METTL25: variants seen among roughly 807,000 people sequenced by gnomAD.
The protein encoded by METTL25 is probable methyltransferase-like protein 25.
A neutral mutation model predicts 71.6 loss-of-function variants in METTL25; 64 were observed. The observed-to-expected ratio is 0.89, with a 90% CI of 0.73 to 1.10. The LOEUF (loss-of-function observed/expected upper bound fraction) is 1.10, where lower values mean the gene tolerates loss of function less well. METTL25 is among the 50% of genes least tolerant of loss of function. The pLI, the probability that METTL25 is intolerant of heterozygous loss-of-function variation, is 0.00. For synonymous variants in METTL25, 287 were observed against 250.3 expected (o/e 1.15, Z -1.38); for missense variants, 807 against 707.0 (o/e 1.14, Z -1.60).
chr12:82,386,518 C>G (rs1438603686), intron 1 of METTL25, among the ~76,000 whole-genome samples: 1 of 142,818 alleles, frequency 7.0e-6, no homozygotes, highest in African/African-American at 2.6e-5. Flanking sequence ...TCCCTTTTCT[C>G]TCTCTCTGTC....
rs768265895 is a variant in METTL25, at chr12:82,358,570, C to T, written c.5C>T (p.Ala2Val). 1.9e-6 allele frequency: 3 copies of T among 1,609,960 alleles called. No homozygotes were observed. The highest frequency in any genetic ancestry group is 2.5e-6 in the Non-Finnish European group (3 of 1,179,366). M[A>V]ASCPLPVTPD... The stretch of plus-strand genomic sequence containing the variant: ...CAGCCTCGGAGGGTGAGCGTCATGG[C>T]GGCTTCTTGCCCTCTCCCGGTGACC... Residue 2 changes from alanine (A) to valine (V), a missense_variant, in exon 1 of 12, where the codon GCG (alanine) becomes GTG (valine). Physicochemically the swap from Ala to Val is moderately conservative, Grantham distance 64. Transcript: ENST00000248306.
chr12:82,359,240 T>G (rs889037864), intron 1 of METTL25, among the ~76,000 whole-genome samples: 5 of 152,010 alleles, frequency 3.3e-5, no homozygotes, highest in African/African-American at 1.2e-4. Context: ...CAGTGTAATG[T>G]GGTAGGGATT....
At chr12:82,384,981 A>G (rs1051099035) in intron 1 of METTL25, among the ~76,000 whole-genome samples, 1 of 152,144 alleles carries the variant, frequency 6.6e-6, no homozygotes, top group Non-Finnish European at 1.5e-5. Flanking sequence ...TCCAGTTTGT[A>G]TCATGGCTAA....
At chr12:82,467,265 C>A (rs972197004) in intron 9 of METTL25, among the ~76,000 whole-genome samples, 7 of 151,900 alleles carry the variant, frequency 4.6e-5, no homozygotes, top group East Asian at 1.9e-4. Context: ...TTTTTTAAAT[C>A]TTTTTTTGTC....
At chr12:82,429,752 T>A (rs1889338337) in intron 5 of METTL25, among the ~76,000 whole-genome samples, 1 of 151,714 alleles carries the variant, frequency 6.6e-6, no homozygotes, top group Admixed American at 6.6e-5. Context: ...TCTGTTCAGA[T>A]CCTTTGGCTA....
At chr12:82,463,341 T>G (rs1280182692) in intron 9 of METTL25, among the ~76,000 whole-genome samples, 1 of 152,084 alleles carries the variant, frequency 6.6e-6, no homozygotes, top group Non-Finnish European at 1.5e-5. Flanking sequence ...GTTTTTAACG[T>G]TCTAATCCTG....
chr12:82,385,459 G>T (rs1022761347), intron 1 of METTL25, among the ~76,000 whole-genome samples: 1 of 152,028 alleles, frequency 6.6e-6, no homozygotes, highest in African/African-American at 2.4e-5. Context: ...TGAACGTTTT[G>T]CATACTTCAT....
At chr12:82,373,294 C>A (rs554136091) in intron 1 of METTL25, among the ~76,000 whole-genome samples, 182 of 152,250 alleles carry the variant, frequency 1.2e-3, no homozygotes, top group African/African-American at 4.3e-3. Context: ...ATTTCTGAAG[C>A]TCCCCATATC....
At chr12:82,463,133 A>G (rs949074251) in intron 9 of METTL25, among the ~76,000 whole-genome samples, 3 of 151,968 alleles carry the variant, frequency 2.0e-5, no homozygotes, top group Non-Finnish European at 4.4e-5. Context: ...ATTGTTAACT[A>G]TAGTCATCCT....
chr12:82,454,805 A>G (rs1891373872), intron 8 of METTL25, among the ~76,000 whole-genome samples: 1 of 151,970 alleles, frequency 6.6e-6, no homozygotes, highest in South Asian at 2.1e-4. Flanking sequence ...CATTTTACTC[A>G]GGGTCTTTTA....
chr12:82,434,732 A>C lies in METTL25; in HGVS notation c.1404+8A>C. On this transcript the variant is annotated splice_region_variant and intron_variant, in intron 7 of 11. Coordinates refer to ENST00000248306, the MANE Select transcript of METTL25 (RefSeq NM_032230.3). ...GTTGCAGCTGGCCAAGGGGTAAGTA[A>C]GAGTGTTAACTGATGAACACGACAG... 6.2e-7 allele frequency: 1 copy of C among 1,608,836 alleles called. No homozygotes were observed. The highest frequency in any genetic ancestry group is 8.5e-7 in the Non-Finnish European group (1 of 1,176,354).
chr12:82,388,818 A>G (rs2066746804), intron 2 of METTL25: 1 of 152,090 alleles, frequency 6.6e-6, no homozygotes, highest in Admixed American at 6.6e-5. Context: ...ATCTGCCAAC[A>G]GAATGACATT....
At chr12:82,405,298 G>A (rs1187363062) in intron 5 of METTL25, among the ~76,000 whole-genome samples, 1 of 152,118 alleles carries the variant, frequency 6.6e-6, no homozygotes, top group Non-Finnish European at 1.5e-5. Flanking sequence ...CATTCTGCTG[G>A]TTTAGGATAG....
At chr12:82,462,247 T>C (rs1277166016) in intron 9 of METTL25, among the ~76,000 whole-genome samples, 2 of 152,192 alleles carry the variant, frequency 1.3e-5, no homozygotes, top group African/African-American at 4.8e-5. Context: ...TAACACTCAG[T>C]AATGATGTCT....
intron 9 of METTL25, among the ~76,000 whole-genome samples, chr12:82,471,357 G>A (rs1205540485): frequency 6.6e-6 from 1 of 152,180 alleles, no homozygotes; most frequent in Admixed American, 6.5e-5. Flanking sequence ...TGCCTACAGG[G>A]CTTTCAGTTT....
chr12:82,367,124 TC>T (rs1882659743), intron 1 of METTL25, among the ~76,000 whole-genome samples: 1 of 152,224 alleles, frequency 6.6e-6, no homozygotes, highest in Admixed American at 6.5e-5. Flanking sequence ...TTTCCCCATA[TC>T]TTTCAATTAT....
chr12:82,448,154 G>T (rs920325919), intron 8 of METTL25, among the ~76,000 whole-genome samples: 1 of 151,916 alleles, frequency 6.6e-6, no homozygotes, highest in Non-Finnish European at 1.5e-5. Context: ...AGAAAATAAG[G>T]TCACTTAATT....
rs1183965369 is a variant in METTL25, at chr12:82,414,167, A to G, written c.1279+11037A>G. ...GTAAACTTTACTGCCAGCCTTGTAGATTCAGCTGTTTATAAGCTTTTGTTA... is the reference window on the plus strand; with the variant it reads ...GTAAACTTTACTGCCAGCCTTGTAGGTTCAGCTGTTTATAAGCTTTTGTTA... On this transcript the variant is annotated intron_variant, in intron 5 of 11. Transcript: ENST00000248306. 7.2e-4 allele frequency among the ~76,000 whole-genome samples: 110 copies of G among 152,088 alleles called. 1 individual carries two copies. Among genetic ancestry groups the G allele is most frequent in the Admixed American group, 7.2e-3 (109 of 15,242 alleles).
intron 8 of METTL25, among the ~76,000 whole-genome samples, chr12:82,441,022 A>T (rs1890281221): frequency 6.6e-6 from 1 of 152,062 alleles, no homozygotes; most frequent in Admixed American, 6.6e-5. Flanking sequence ...AGACAGTTCT[A>T]GTGAAACAAA....
Sources: gnomAD v4.1 joint callset for allele counts (sites outside exome capture counted in the v4.1 genomes callset) on GRCh38, gnomAD v4.1.1 for gene constraint, MANE v1.5 for transcripts, NCBI Gene and HGNC (gene_info 2026-07-23, HGNC 2026-07-21) for gene names.